Variants in WWOX observed in about 807,000 individuals in gnomAD.
The protein encoded by WWOX is WW domain-containing oxidoreductase.
WWOX carries 69 observed loss-of-function variants against 46.2 expected under a neutral mutation model. The observed-to-expected ratio is 1.49, with a 90% CI of 1.23 to 1.82. The LOEUF (loss-of-function observed/expected upper bound fraction) is 1.82. Among genes scored for constraint, WWOX ranks in the 40% most tolerant of loss-of-function variants. WWOX has a pLI of 0.00. For missense variants in WWOX, 919 were observed against 542.6 expected, an observed-to-expected ratio of 1.69 and a Z score of -6.89; for synonymous variants, 359 against 202.6, an observed-to-expected ratio of 1.77 and a Z score of -6.56.
chr16:78,845,422 G>A (rs1273703693), intron 8 of WWOX, among the ~76,000 whole-genome samples: 1 of 152,110 alleles, frequency 6.6e-6, no homozygotes, highest in Non-Finnish European at 1.5e-5. Context: ...TTTAGGAGCG[G>A]CCTGGAAACT....
At chr16:79,049,739 G>A (rs918539982) in intron 8 of WWOX, among the ~76,000 whole-genome samples, 1 of 151,886 alleles carries the variant, frequency 6.6e-6, no homozygotes, top group South Asian at 2.1e-4. Flanking sequence ...GGGAGGCTGA[G>A]GCAGAGAATT....
At chr16:78,103,249 T>G (rs551870250) in intron 1 of WWOX, among the ~76,000 whole-genome samples, 6,571 of 54,416 alleles carry the variant, frequency 0.12, 469 homozygotes, top group African/African-American at 0.23. Flanking sequence ...GCTGTTTTTT[T>G]TTTTTTTTTT....
At chr16:78,687,215 G>C (rs915888823) in intron 8 of WWOX, among the ~76,000 whole-genome samples, 2 of 152,216 alleles carry the variant, frequency 1.3e-5, no homozygotes, top group South Asian at 4.1e-4. Context: ...TGATATAACA[G>C]TAAATCCAAG....
chr16:79,025,749 C>T (rs1034520216), intron 8 of WWOX, among the ~76,000 whole-genome samples: 10 of 150,684 alleles, frequency 6.6e-5, no homozygotes, highest in Admixed American at 1.3e-4. Context: ...TCTGATAATC[C>T]TTTCATCCTT....
intron 8 of WWOX, among the ~76,000 whole-genome samples, chr16:78,685,588 G>A (rs1597443926): frequency 3.3e-5 from 5 of 152,214 alleles, no homozygotes; most frequent in South Asian, 4.1e-4. Flanking sequence ...CCAGCAGTAC[G>A]TACATAACTG....
At chr16:78,816,079 C>T (rs2051322682) in intron 8 of WWOX, among the ~76,000 whole-genome samples, 1 of 152,194 alleles carries the variant, frequency 6.6e-6, no homozygotes, top group Non-Finnish European at 1.5e-5. Context: ...GCTTTTCTAG[C>T]ATGGAATCCC....
chr16:78,389,826 T>G (rs12598627), intron 6 of WWOX, among the ~76,000 whole-genome samples: 12 of 152,198 alleles, frequency 7.9e-5, no homozygotes, highest in South Asian at 2.1e-4. Flanking sequence ...TCTCTGTTCA[T>G]TGCAACCTCT....
chr16:78,948,721 C>G (rs1056029557), intron 8 of WWOX, among the ~76,000 whole-genome samples: 3 of 152,074 alleles, frequency 2.0e-5, no homozygotes, highest in Admixed American at 6.5e-5. Flanking sequence ...AACTTTGGCC[C>G]TCGACATCTC....
At chr16:79,123,637 C>T (rs970475541) in intron 8 of WWOX, among the ~76,000 whole-genome samples, 1 of 152,148 alleles carries the variant, frequency 6.6e-6, no homozygotes, top group Admixed American at 6.5e-5. Context: ...GACCCCAAGG[C>T]TCCAGGCTTT....
intron 8 of WWOX, among the ~76,000 whole-genome samples, chr16:78,568,884 T>G (rs117767072): frequency 0.018 from 2,732 of 152,342 alleles, 47 homozygotes; most frequent in Admixed American, 0.042. Context: ...TTACGGGCTA[T>G]CAGTAGATGC....
chr16:78,148,275 A>T (rs747971796), intron 4 of WWOX, among the ~76,000 whole-genome samples: 1 of 152,166 alleles, frequency 6.6e-6, no homozygotes, highest in Non-Finnish European at 1.5e-5. Context: ...AATTATACGA[A>T]GTGAGACCAT....
At chr16:79,094,633 GTTTTTTC>G (rs2049033035) in intron 8 of WWOX, among the ~76,000 whole-genome samples, 1 of 151,758 alleles carries the variant, frequency 6.6e-6, no homozygotes, top group African/African-American at 2.4e-5. Context: ...TCTCAGGTCT[GTTTTTTC>G]TTTTTTTTTT....
chr16:78,320,053 G>A (rs1051046389), intron 5 of WWOX, among the ~76,000 whole-genome samples: 2 of 152,086 alleles, frequency 1.3e-5, no homozygotes, highest in African/African-American at 2.4e-5. Flanking sequence ...GGTATATTTG[G>A]GTGAGAGTAT....
chr16:78,265,001 C>CTTTTTTTTTTTT (rs35911801), intron 5 of WWOX: 1 of 69,416 alleles, frequency 1.4e-5, no homozygotes, highest in Non-Finnish European at 2.6e-5. Flanking sequence ...TTCTTTCTTT[C>CTTTTTTTTTTTT]TTTTTTTTTT....
chr16:78,263,538 C>G (rs555899171), intron 5 of WWOX, among the ~76,000 whole-genome samples: 1 of 152,126 alleles, frequency 6.6e-6, no homozygotes, highest in African/African-American at 2.4e-5. Context: ...TCTTAATCAA[C>G]CCTTGCTGGC....
intron 8 of WWOX, among the ~76,000 whole-genome samples, chr16:78,821,881 A>G (rs942948889): frequency 6.6e-6 from 1 of 152,162 alleles, no homozygotes. Context: ...AAATATTAAA[A>G]TAAACTTTTT....
At chr16:78,188,373 A>G (rs1051414827) in intron 5 of WWOX, among the ~76,000 whole-genome samples, 10 of 151,914 alleles carry the variant, frequency 6.6e-5, no homozygotes, top group African/African-American at 2.4e-4. Context: ...CTGTAGTCCC[A>G]GCTACTCGGG....
chr16:78,683,328 A>G (rs1160516916), intron 8 of WWOX, among the ~76,000 whole-genome samples: 2 of 151,620 alleles, frequency 1.3e-5, no homozygotes, highest in African/African-American at 4.8e-5. Flanking sequence ...GCCTGAGCTC[A>G]GGAGTTGGAG....
At chr16:78,311,686 G>C (rs1022439397) in intron 5 of WWOX, among the ~76,000 whole-genome samples, 8 of 152,296 alleles carry the variant, frequency 5.3e-5, no homozygotes, top group African/African-American at 1.9e-4. Context: ...GAGAAGAAAA[G>C]CCAAAGGCAG....
Sources: gnomAD v4.1 joint callset for allele counts (sites outside exome capture counted in the v4.1 genomes callset) on GRCh38, gnomAD v4.1.1 for gene constraint, MANE v1.5 for transcripts, NCBI Gene and HGNC (gene_info 2026-07-23, HGNC 2026-07-21) for gene names.